B4GALT1: variants seen among roughly 807,000 people sequenced by gnomAD.
B4GALT1 encodes the protein beta-1,4-galactosyltransferase 1, also known as N-acetyllactosamine synthase.
In B4GALT1, 16 loss-of-function variants were observed where a neutral mutation model predicts 34.9. The ratio of observed to expected loss-of-function variants is 0.46; its 90% confidence interval spans 0.31 to 0.70. The LOEUF is 0.70. Ranked by LOEUF, B4GALT1 falls within the 30% of genes least tolerant of loss-of-function variation. The pLI, the probability that B4GALT1 is intolerant of heterozygous loss-of-function variation, is 0.05. For synonymous variants in B4GALT1, 221 were observed against 218.1 expected (o/e 1.01, Z -0.12); for missense variants, 445 against 530.5 (o/e 0.84, Z 1.58).
In B4GALT1 at chr9:33,116,521, CTTTTTT is replaced by C. The variant is rs577170197; in HGVS notation, c.837-414_837-409del. On this transcript the variant is annotated intron_variant, in intron 3 of 5. Coordinates refer to ENST00000379731, the MANE Select transcript of B4GALT1 (RefSeq NM_001497.4). ...ACAGTTGTAAGACACCAAACCGGAT[CTTTTTT>C]TTTTTTTTTTTTTGAAGGAGTCTCG... Among the ~76,000 whole-genome samples the C allele has an allele frequency of 7.5e-5, 8 of 107,280 alleles. No homozygotes were observed. The South Asian group carries it at 2.6e-3, about 35-fold the overall frequency. The allele number at this position is 107,280 out of a possible 152,430, so 70.4% of individuals were successfully genotyped here. A position where few individuals can be genotyped will look rare whatever the true frequency, so the allele number is the denominator to read the frequency against.
intron 1 of B4GALT1, among the ~76,000 whole-genome samples, chr9:33,163,897 GCAT>G (rs889028795): frequency 1.3e-5 from 2 of 152,180 alleles, no homozygotes; most frequent in African/African-American, 4.8e-5. Context: ...CCTTCCCACT[GCAT>G]CACTCACTCC....
intron 1 of B4GALT1, among the ~76,000 whole-genome samples, chr9:33,138,785 G>A (rs1181912015): frequency 1.3e-5 from 2 of 152,024 alleles, no homozygotes; most frequent in Non-Finnish European, 2.9e-5. Context: ...AATTCAACCT[G>A]CCCCAAATGG....
intron 3 of B4GALT1, 33 bp from the exon 4 acceptor site, chr9:33,116,146 T>A (rs189243520): frequency 6.2e-7 from 1 of 1,608,096 alleles, no homozygotes; most frequent in East Asian, 2.2e-5. Flanking sequence ...GAAGGAGCAG[T>A]GGTTAGTTAA....
the B4GALT1 span, among the ~76,000 whole-genome samples, chr9:33,184,792 C>T: frequency 1.3e-5 from 2 of 152,216 alleles, no homozygotes. Context: ...TAATGGGCCA[C>T]ACTGTTTAAG....
intron 2 of B4GALT1, among the ~76,000 whole-genome samples, chr9:33,121,632 A>T (rs1840022274): frequency 6.6e-6 from 1 of 151,830 alleles, no homozygotes; most frequent in Non-Finnish European, 1.5e-5. Context: ...GGCCTCCCAA[A>T]GTGCTAGGAT....
chr9:33,155,466 T>A (rs1306526588), intron 1 of B4GALT1, among the ~76,000 whole-genome samples: 1 of 152,230 alleles, frequency 6.6e-6, no homozygotes, highest in Non-Finnish European at 1.5e-5. Context: ...ATCACTCAGC[T>A]GTCTGTGGTT....
At position 33,113,330 on chromosome 9, in the gene B4GALT1, G is replaced by A. The variant is rs1361181395; in HGVS notation, c.*124C>T. 19 of 1,432,460 alleles carry A rather than the reference G, an allele frequency of 1.3e-5. No individual in the cohort carries two copies. The highest frequency in any genetic ancestry group is 1.9e-5 in the Non-Finnish European group (19 of 1,018,550). 88.7% of individuals were successfully genotyped at this position (1,432,460 alleles called of 1,614,324 possible). On this transcript the variant is annotated 3_prime_UTR_variant, in exon 6 of 6. Transcript: ENST00000379731. ...TGGTCATCTGGAAAGCCATCTGAAT[G>A]ATGAGCGAAGGGGACCTGTCACTCA... is the stretch of plus-strand genomic sequence containing the variant.
the B4GALT1 span, among the ~76,000 whole-genome samples, chr9:33,181,449 C>CAA: frequency 6.6e-6 from 1 of 150,914 alleles, no homozygotes; most frequent in African/African-American, 2.5e-5. Context: ...CACACACACA[C>CAA]ACACACACAC....
At chr9:33,178,897 T>A in the B4GALT1 span, 6 of 152,400 alleles carry the variant, frequency 3.9e-5, 1 homozygote, top group South Asian at 8.3e-4. Flanking sequence ...CTCTCTCAGG[T>A]GTCCATGGAT....
intron 1 of B4GALT1, among the ~76,000 whole-genome samples, chr9:33,163,134 T>G (rs555800085): frequency 2.2e-4 from 34 of 151,952 alleles, no homozygotes; most frequent in Non-Finnish European, 4.6e-4. Flanking sequence ...CAAAGTACAC[T>G]CTGTCCTGGG....
the B4GALT1 span, chr9:33,177,307 C>G: frequency 2.0e-5 from 3 of 152,138 alleles, no homozygotes; most frequent in Admixed American, 6.5e-5. Context: ...TCCTTCCTAC[C>G]CTTCAGGACT....
At chr9:33,152,060 G>A (rs1840524302) in intron 1 of B4GALT1, among the ~76,000 whole-genome samples, 1 of 152,130 alleles carries the variant, frequency 6.6e-6, no homozygotes, top group African/African-American at 2.4e-5. Flanking sequence ...GCTCACGCCT[G>A]TAACCCCAGC....
At chr9:33,129,126 C>T (rs375882999) in intron 2 of B4GALT1, among the ~76,000 whole-genome samples, 5 of 152,134 alleles carry the variant, frequency 3.3e-5, no homozygotes, top group African/African-American at 9.7e-5. Flanking sequence ...CGTGTGCTTA[C>T]CTGTGGAGCC....
upstream of B4GALT1, among the ~76,000 whole-genome samples, chr9:33,172,252 A>G (rs1840849185): frequency 1.3e-5 from 2 of 152,114 alleles, no homozygotes; most frequent in African/African-American, 4.8e-5. Context: ...TAGTGTTTTT[A>G]TCAGAAAAAT....
chr9:33,175,881 G>A, the B4GALT1 span, among the ~76,000 whole-genome samples: 4 of 152,286 alleles, frequency 2.6e-5, no homozygotes, highest in East Asian at 7.7e-4. Context: ...AGCAACGTAT[G>A]ACTGTAGTCT....
the B4GALT1 span, among the ~76,000 whole-genome samples, chr9:33,181,448 AC>A: frequency 1.1e-3 from 169 of 151,546 alleles, 1 homozygote; most frequent in African/African-American, 3.6e-3. Context: ...ACACACACAC[AC>A]ACACACACAC....
At chr9:33,144,322 C>T (rs918968547) in intron 1 of B4GALT1, among the ~76,000 whole-genome samples, 2 of 152,212 alleles carry the variant, frequency 1.3e-5, no homozygotes, top group Admixed American at 1.3e-4. Flanking sequence ...CAACCTCCGC[C>T]TCCCAGGTTT....
chr9:33,153,462 T>C (rs1251941301), intron 1 of B4GALT1, among the ~76,000 whole-genome samples: 2 of 152,028 alleles, frequency 1.3e-5, no homozygotes, highest in African/African-American at 4.8e-5. Flanking sequence ...TCAATAAAAA[T>C]GACAAGCTTT....
chr9:33,154,245 AC>A lies in B4GALT1; in HGVS notation c.412+12512del, dbSNP rs763491360. Among the ~76,000 whole-genome samples the A allele has an allele frequency of 5.9e-5, 9 of 152,340 alleles. 1 individual carries two copies. The highest frequency in any genetic ancestry group is 1.2e-4 in the African/African-American group (5 of 41,572). On this transcript the variant is annotated intron_variant, in intron 1 of 5. Coordinates refer to ENST00000379731, the MANE Select transcript of B4GALT1 (RefSeq NM_001497.4). ...TATCAATAGAATAAATGACAAAAAA[AC>A]ATGATCATCTCAACAGACACAGAAA...
Sources: gnomAD v4.1 joint callset for allele counts (sites outside exome capture counted in the v4.1 genomes callset) on GRCh38, gnomAD v4.1.1 for gene constraint, MANE v1.5 for transcripts, NCBI Gene and HGNC (gene_info 2026-07-23, HGNC 2026-07-21) for gene names.